Variants in TGFBI observed in about 807,000 individuals in gnomAD.
The protein encoded by TGFBI is transforming growth factor beta induced, also known as transforming growth factor-beta-induced protein ig-h3.
In TGFBI, 50 loss-of-function variants were observed where a neutral mutation model predicts 73.7. The observed-to-expected ratio is 0.68, with a 90% CI of 0.54 to 0.86. The LOEUF is 0.86. Among genes scored for constraint, TGFBI ranks in the 40% least tolerant of loss-of-function variants. TGFBI has a pLI of 0.00. For synonymous variants in TGFBI, 362 were observed against 360.5 expected, an observed-to-expected ratio of 1.00 and a Z score of -0.05; for missense variants, 839 against 877.0, an observed-to-expected ratio of 0.96 and a Z score of 0.55.
chr5:136,043,342 G>T (rs1751372270), intron 2 of TGFBI, among the ~76,000 whole-genome samples: 1 of 152,146 alleles, frequency 6.6e-6, no homozygotes, highest in Non-Finnish European at 1.5e-5. Context: ...GTCACTGTTT[G>T]TATATTTTCA....
intron 12 of TGFBI, among the ~76,000 whole-genome samples, chr5:136,057,132 C>T (rs1351944739): frequency 2.6e-5 from 4 of 152,156 alleles, no homozygotes. Flanking sequence ...CCACTCAGCG[C>T]CCCAGCCTCC....
chr5:136,044,453 C>T (rs1295894521), intron 3 of TGFBI, among the ~76,000 whole-genome samples: 2 of 152,240 alleles, frequency 1.3e-5, no homozygotes, highest in South Asian at 2.1e-4. Flanking sequence ...ATTCTAAACA[C>T]ATCCAGCAGG....
At position 136,063,673 on chromosome 5, in the gene TGFBI, C is replaced by T; in HGVS notation, c.*447C>T. On this transcript the variant is annotated 3_prime_UTR_variant, in exon 17 of 17. Coordinates refer to ENST00000442011, the MANE Select transcript of TGFBI (RefSeq NM_000358.3). ...ATTATAAGCTATGAGTTGAAATGTT[C>T]TGTCAAATGTGTCTCACATCTACAC... 10 of 164,370 alleles carry T rather than the reference C, an allele frequency of 6.1e-5. No homozygotes were observed. The highest frequency in any genetic ancestry group is 1.8e-4 in the South Asian group (1 of 5,594). The allele number at this position is 164,370 out of a possible 1,614,324, so 10.2% of individuals were successfully genotyped here. A position where few individuals can be genotyped will look rare whatever the true frequency, so the allele number is the denominator to read the frequency against.
chr5:136,059,086 G>T lies in TGFBI; in HGVS notation c.1679-4G>T. ...ACTCTATCTCCTTTTCCCGCAACCT[G>T]CAGGAGATGCCAAGGAACTTGCCAA... On this transcript the variant is annotated splice_region_variant and splice_polypyrimidine_tract_variant and intron_variant, in intron 12 of 16. Transcript: ENST00000442011. 1 of 1,610,546 alleles carries T rather than the reference G, an allele frequency of 6.2e-7. No homozygotes were observed.
At chr5:136,061,446 A>G in intron 14 of TGFBI, 54 bp from the exon 15 acceptor site, 3 of 1,340,382 alleles carry the variant, frequency 2.2e-6, no homozygotes, top group African/African-American at 2.9e-5. Context: ...GTTGTTATGA[A>G]TGACATGCTA....
chr5:136,056,439 C>A, intron 11 of TGFBI: 1 of 536,172 alleles, frequency 1.9e-6, no homozygotes. Flanking sequence ...GACGTCTGGC[C>A]ATTTAACAGA....
intron 7 of TGFBI, among the ~76,000 whole-genome samples, chr5:136,050,123 T>G (rs1006537239): frequency 2.6e-5 from 4 of 152,106 alleles, no homozygotes; most frequent in African/African-American, 9.7e-5. Flanking sequence ...ACCTGAGATC[T>G]GGAATTTGAG....
chr5:136,043,261 A>G (rs1470886274), intron 2 of TGFBI, among the ~76,000 whole-genome samples: 1 of 152,140 alleles, frequency 6.6e-6, no homozygotes, highest in East Asian at 1.9e-4. Context: ...ATTATTTGAA[A>G]TTCTCAGTGT....
intron 8 of TGFBI, among the ~76,000 whole-genome samples, chr5:136,053,645 A>T (rs1580718900): frequency 1.3e-5 from 2 of 152,344 alleles, no homozygotes; most frequent in East Asian, 3.9e-4. Flanking sequence ...GCCATCACAC[A>T]GACTGTCTTT....
intron 1 of TGFBI, among the ~76,000 whole-genome samples, chr5:136,031,840 C>A (rs1751126589): frequency 1.3e-5 from 2 of 152,302 alleles, no homozygotes; most frequent in East Asian, 1.9e-4. Context: ...CACCCACACT[C>A]CCCGATGTGA....
intron 7 of TGFBI, 98 bp downstream of exon 7, chr5:136,049,678 G>A: frequency 9.8e-6 from 14 of 1,432,498 alleles, no homozygotes; most frequent in Non-Finnish European, 1.3e-5. Flanking sequence ...CTGCCATGAG[G>A]TGACCCTCAG....
chr5:136,054,208 A>C, intron 9 of TGFBI, 128 bp downstream of exon 9: 1 of 1,306,190 alleles, frequency 7.7e-7, no homozygotes, highest in Non-Finnish European at 1.1e-6. Context: ...GCTCAACCAA[A>C]AGCAGATGTG....
At position 136,053,001 on chromosome 5, in the gene TGFBI, G is replaced by C. The variant is rs1751564076; in HGVS notation, c.1008G>C (p.Glu336Asp). ...SVETLEGTTL[E>D]VGCSGDMLTI... ...AGACCCTGGAGGGCACGACACTGGA[G>C]GTGGGCTGCAGCGGGGACATGCTCA... The change falls in exon 8 of 17, where the codon GAG becomes GAC. Residue 336 changes from glutamate (E) to aspartate (D), a missense_variant. Glu to Asp is a conservative substitution (Grantham distance 45). Transcript: ENST00000442011. 9.3e-6 allele frequency: 15 copies of C among 1,613,918 alleles called. No individual in the cohort carries two copies. The highest frequency in any genetic ancestry group is 1.3e-5 in the Non-Finnish European group (15 of 1,179,904).
chr5:136,039,909 T>A (rs1751299453), intron 2 of TGFBI, among the ~76,000 whole-genome samples: 1 of 152,190 alleles, frequency 6.6e-6, no homozygotes, highest in African/African-American at 2.4e-5. Context: ...ATGTCAGATG[T>A]CTAGACGTTA....
rs574026154 is a variant in TGFBI, at chr5:136,044,138, G to T, written c.298+16G>T. 1 of 1,609,686 alleles carries T rather than the reference G, an allele frequency of 6.2e-7. No individual in the cohort carries two copies. Among genetic ancestry groups the T allele is most frequent in the South Asian group, 1.1e-5 (1 of 90,588 alleles). On this transcript the variant is annotated intron_variant, in intron 3 of 16. Transcript: ENST00000442011. The stretch of plus-strand genomic sequence containing the variant: ...TGTCCAGCAGGTGAATGAATCCTCC[G>T]GGCCTTGCCTGTTGGTGTGGGTGGA...
intron 15 of TGFBI, 21 bp downstream of exon 15, chr5:136,061,600 G>C: frequency 6.2e-7 from 1 of 1,605,770 alleles, no homozygotes; most frequent in South Asian, 1.1e-5. Context: ...TGCTAGGTTT[G>C]CGCCTAGCCT....
chr5:136,046,697 G>C (rs1751435394), intron 4 of TGFBI, 154 bp from the exon 5 acceptor site: 18 of 1,235,352 alleles, frequency 1.5e-5, no homozygotes, highest in Non-Finnish European at 2.0e-5. Context: ...TCCCTACTGG[G>C]CAGAAAGACT....
At chr5:136,052,243 A>G (rs1021527324) in intron 7 of TGFBI, among the ~76,000 whole-genome samples, 2 of 152,242 alleles carry the variant, frequency 1.3e-5, no homozygotes, top group African/African-American at 4.8e-5. Context: ...AAATTATTAT[A>G]CTTACTATTT....
At position 136,056,788 on chromosome 5, in the gene TGFBI, A is replaced by C; in HGVS notation, c.1671A>C (p.Arg557Ser). Residue 557 changes from arginine to serine, a missense_variant, in exon 12 of 17, where the codon AGA becomes AGC. By Grantham distance (110) the Arg-to-Ser change is moderately radical. Transcript: ENST00000442011. ...FRALPPRERS[R>S]LLGDAKELAN... ...CCCTGCCACCAAGAGAACGGAGCAG[A>C]CTCTTGGGTAAAGACCAACTTAAGT... 1 of 1,612,996 alleles carries C rather than the reference A, an allele frequency of 6.2e-7. No individual in the cohort carries two copies. Among genetic ancestry groups the C allele is most frequent in the Non-Finnish European group, 8.5e-7 (1 of 1,179,426 alleles).
Sources: gnomAD v4.1 joint callset for allele counts (sites outside exome capture counted in the v4.1 genomes callset) on GRCh38, gnomAD v4.1.1 for gene constraint, MANE v1.5 for transcripts, NCBI Gene and HGNC (gene_info 2026-07-23, HGNC 2026-07-21) for gene names.